Variants in CPNE5 observed in about 807,000 individuals in gnomAD.
CPNE5 encodes the protein copine 5, also known as copine-5.
CPNE5 carries 42 observed loss-of-function variants against 81.1 expected under a neutral mutation model. The observed-to-expected ratio is 0.52, with a 90% CI of 0.40 to 0.67. CPNE5 has a LOEUF of 0.67. Ranked by LOEUF, CPNE5 falls within the 30% of genes least tolerant of loss-of-function variation. The pLI, the probability that CPNE5 is intolerant of heterozygous loss-of-function variation, is 0.00. For missense variants in CPNE5, 612 were observed against 815.5 expected (o/e 0.75, Z 3.04); for synonymous variants, 313 against 321.5 (o/e 0.97, Z 0.28).
At chr6:36,795,980 G>T (rs115218879) in intron 6 of CPNE5, among the ~76,000 whole-genome samples, 1 of 152,054 alleles carries the variant, frequency 6.6e-6, no homozygotes, top group Non-Finnish European at 1.5e-5. Context: ...ATGGAATCTC[G>T]TTCTGTCACC....
intron 3 of CPNE5, among the ~76,000 whole-genome samples, chr6:36,807,995 A>G (rs2150552470): frequency 6.6e-6 from 1 of 152,346 alleles, no homozygotes; most frequent in East Asian, 1.9e-4. Flanking sequence ...AGTAAAGGAG[A>G]GAGGTCGCCC....
chr6:36,756,819 T>C (rs938767922), intron 12 of CPNE5, among the ~76,000 whole-genome samples: 4 of 152,232 alleles, frequency 2.6e-5, no homozygotes, highest in African/African-American at 9.7e-5. Flanking sequence ...TTAGCTATTC[T>C]TTGAGTGTAA....
chr6:36,789,658 G>A (rs1240438441), intron 8 of CPNE5, among the ~76,000 whole-genome samples: 2 of 152,146 alleles, frequency 1.3e-5, no homozygotes, highest in Non-Finnish European at 2.9e-5. Context: ...TGTTCCACAG[G>A]GCAACCGAAT....
chr6:36,800,843 T>A (rs236406), intron 3 of CPNE5, among the ~76,000 whole-genome samples: 3,171 of 152,344 alleles, frequency 0.021, 118 homozygotes, highest in African/African-American at 0.07. Context: ...AAGGAAAGGA[T>A]GAGGCCCCAG....
chr6:36,742,531 C>T (rs372457582), intron 20 of CPNE5, 45 bp from the exon 21 acceptor site: 11 of 1,582,482 alleles, frequency 7.0e-6, no homozygotes, highest in Non-Finnish European at 9.4e-6. Context: ...CCTGTGGGAC[C>T]CTGGCCCCCA....
At chr6:36,755,601 G>C (rs1450454798) in intron 13 of CPNE5, 1 of 151,352 alleles carries the variant, frequency 6.6e-6, no homozygotes, top group Non-Finnish European at 1.5e-5. Context: ...CTTGTTTCCA[G>C]CTGTATCTGA....
chr6:36,748,395 T>C (rs1296849390), intron 14 of CPNE5, 128 bp from the exon 15 acceptor site: 6 of 776,764 alleles, frequency 7.7e-6, no homozygotes, highest in Non-Finnish European at 1.1e-5. Context: ...GGTGAAGTCA[T>C]TCATCTCTTT....
chr6:36,818,610 A>G (rs979912209), intron 3 of CPNE5, among the ~76,000 whole-genome samples: 2 of 152,070 alleles, frequency 1.3e-5, no homozygotes, highest in East Asian at 3.9e-4. Context: ...GCAGGCCTAT[A>G]AGGTAGGATT....
Position 36,766,048 on chromosome 6 carries a change from C to A in CPNE5, c.738-672G>T, listed in dbSNP as rs1313803579. Among the ~76,000 whole-genome samples the A allele has an allele frequency of 6.6e-6, 1 of 152,104 alleles. No homozygotes were observed. Among genetic ancestry groups the A allele is most frequent in the Non-Finnish European group, 1.5e-5 (1 of 68,018 alleles). ...TTCCCATGGCAACAGGCTAGCGGAC[C>A]AGAGCTGGGAGGAGGGAGGTGGAGG... On this transcript the variant is annotated intron_variant, in intron 10 of 20. Coordinates refer to ENST00000244751, the MANE Select transcript of CPNE5 (RefSeq NM_020939.2). The surrounding 1 kb of genome is among the most constrained non-coding windows in gnomAD (Gnocchi z 4.2).
chr6:36,768,200 G>T (rs1766729529), intron 10 of CPNE5, among the ~76,000 whole-genome samples: 1 of 140,908 alleles, frequency 7.1e-6, no homozygotes, highest in Non-Finnish European at 1.5e-5. Flanking sequence ...AGACAAATAA[G>T]GCTTTGACTA....
chr6:36,810,740 CAG>C (rs1310903008), intron 3 of CPNE5, among the ~76,000 whole-genome samples: 2 of 152,170 alleles, frequency 1.3e-5, no homozygotes, highest in Non-Finnish European at 2.9e-5. Context: ...AAACCAGGCC[CAG>C]AGAGAGATGG....
intron 5 of CPNE5, 91 bp downstream of exon 5, chr6:36,798,364 A>G: frequency 6.6e-7 from 1 of 1,515,274 alleles, no homozygotes; most frequent in South Asian, 1.1e-5. Flanking sequence ...AGCGTCGGAC[A>G]CACATTCCAT....
intron 1 of CPNE5, among the ~76,000 whole-genome samples, chr6:36,829,737 C>T (rs765131696): frequency 8.1e-5 from 12 of 148,648 alleles, no homozygotes; most frequent in Admixed American, 4.1e-4. Context: ...CGCTTGAACC[C>T]GGGAAGCAGA....
At chr6:36,757,069 TGATGC>T (rs540953082) in intron 12 of CPNE5, among the ~76,000 whole-genome samples, 168 of 151,684 alleles carry the variant, frequency 1.1e-3, no homozygotes, top group African/African-American at 3.8e-3. Context: ...CGGCAGGGAG[TGATGC>T]AGTCCCAAAT....
intron 1 of CPNE5, among the ~76,000 whole-genome samples, chr6:36,824,006 C>T (rs1428651019): frequency 1.3e-5 from 2 of 152,174 alleles, no homozygotes; most frequent in Admixed American, 1.3e-4. Flanking sequence ...GAAACGCAGT[C>T]TCTGGCTGGG....
At chr6:36,742,954 C>T (rs114441642) in intron 20 of CPNE5, 39,207 of 985,302 alleles carry the variant, frequency 0.04, 867 homozygotes, top group African/African-American at 0.072. Context: ...GGCTTCTTCC[C>T]GGGGGTGCCC....
intron 12 of CPNE5, among the ~76,000 whole-genome samples, chr6:36,758,509 AG>A (rs1346973291): frequency 6.6e-6 from 1 of 151,410 alleles, no homozygotes; most frequent in Admixed American, 6.6e-5. Flanking sequence ...TCAGTCTCCC[AG>A]AGTGTTGGGA....
Position 36,762,975 on chromosome 6 carries a change from T to A in CPNE5, c.797A>T (p.Glu266Val). ...DRDGSHDFIG[E>V]FTTSYRELAR... The stretch of plus-strand genomic sequence containing the variant: ...CAGCTCCCGGTAACTGGTGGTGAAC[T>A]CCCCAATGAAGTCATGGCTGCAAGG... The change falls in exon 12 of 21, where the codon GAG becomes GTG. Residue 266 changes from glutamate (E) to valine (V), a missense_variant. Glu to Val is a moderately radical substitution (Grantham distance 121, BLOSUM62 -2). Transcript: ENST00000244751. 1 of 1,614,110 alleles carries A rather than the reference T, an allele frequency of 6.2e-7. No individual in the cohort carries two copies. Among genetic ancestry groups the A allele is most frequent in the Non-Finnish European group, 8.5e-7 (1 of 1,180,010 alleles).
intron 1 of CPNE5, chr6:36,827,526 C>T (rs755112561): frequency 5.2e-5 from 51 of 985,276 alleles, no homozygotes; most frequent in Middle Eastern, 5.2e-4. Flanking sequence ...TGATGGCAGC[C>T]GTCCAAATAC....
Sources: allele counts gnomAD v4.1 joint callset (sites outside exome capture counted in the v4.1 genomes callset), GRCh38; gene constraint gnomAD v4.1.1; non-coding constraint Gnocchi (gnomAD v3.1); transcripts MANE v1.5; gene names NCBI Gene and HGNC (gene_info 2026-07-23, HGNC 2026-07-21).